PRKCA: variants seen among roughly 807,000 people sequenced by gnomAD.
PRKCA encodes the protein protein kinase C alpha type.
Under a neutral mutation model 87.0 loss-of-function variants are expected in PRKCA, and 27 were observed. The ratio of observed to expected loss-of-function variants is 0.31; its 90% confidence interval spans 0.23 to 0.43. The LOEUF is 0.43. Among genes scored for constraint, PRKCA ranks in the 20% least tolerant of loss-of-function variants. PRKCA has a pLI of 1.00. For missense variants in PRKCA, 518 were observed against 852.3 expected (o/e 0.61, Z 4.88); for synonymous variants, 329 against 311.1 (o/e 1.06, Z -0.61).
At position 66,392,232 on chromosome 17, in the gene PRKCA, C is replaced by CAA. The variant is rs746861945; in HGVS notation, c.205+86106_205+86107dup. 5.8e-4 allele frequency among the ~76,000 whole-genome samples: 31 copies of CAA among 53,290 alleles called. 4 individuals are homozygous for CAA. Among genetic ancestry groups the CAA allele is most frequent in the Middle Eastern group, 0.011 (1 of 92 alleles). The allele number at this position is 53,290 out of a possible 152,430, so 35.0% of individuals were successfully genotyped here. ...GCGACAGAGCAAGACTGTGTCTCAACAACAACAAAAAAAAAAATGTGGTTA... is the reference window on the plus strand; with the variant it reads ...GCGACAGAGCAAGACTGTGTCTCAACAAAACAACAAAAAAAAAAATGTGGTTA... On this transcript the variant is annotated intron_variant, in intron 2 of 16. Coordinates refer to ENST00000413366, the MANE Select transcript of PRKCA (RefSeq NM_002737.3).
rs1372666320 is a variant in PRKCA at position 66,786,858 on chromosome 17, C to T, written c.1606-9C>T. ...AATACTTTCCCATCTTTCTTTTTTT[C>T]CGGAACAGCCTCCATTTGATGGTGA... On this transcript the variant is annotated splice_polypyrimidine_tract_variant and intron_variant, in intron 14 of 16. Coordinates refer to ENST00000413366, the MANE Select transcript of PRKCA (RefSeq NM_002737.3). The T allele has an allele frequency of 1.2e-6, 2 of 1,608,746 alleles. No individual in the cohort carries two copies. Among genetic ancestry groups the T allele is most frequent in the African/African-American group, 2.7e-5 (2 of 74,678 alleles).
chr17:66,338,378 C>T (rs1000672266), intron 2 of PRKCA, among the ~76,000 whole-genome samples: 5 of 152,108 alleles, frequency 3.3e-5, no homozygotes, highest in African/African-American at 1.2e-4. Context: ...CTGAACCATT[C>T]TCTGAATATT....
At chr17:66,565,231 C>G (rs1245226404) in intron 3 of PRKCA, among the ~76,000 whole-genome samples, 2 of 152,202 alleles carry the variant, frequency 1.3e-5, no homozygotes, top group Non-Finnish European at 2.9e-5. Context: ...GTGATTCCCA[C>G]TCAGCCCGCA....
chr17:66,766,135 A>C (rs909031428), intron 13 of PRKCA, among the ~76,000 whole-genome samples: 2 of 152,236 alleles, frequency 1.3e-5, no homozygotes, highest in African/African-American at 4.8e-5. Context: ...GAGTGCTGTC[A>C]CGAGAAAAAC....
chr17:66,445,649 C>A (rs1913995849), intron 2 of PRKCA, among the ~76,000 whole-genome samples: 1 of 152,166 alleles, frequency 6.6e-6, no homozygotes, highest in South Asian at 2.1e-4. Flanking sequence ...GCCCTTACGG[C>A]CTTGCTGTGT....
chr17:66,303,170 G>A (rs904624785), intron 1 of PRKCA, 146 bp downstream of exon 1: 2 of 1,127,190 alleles, frequency 1.8e-6, no homozygotes, highest in Non-Finnish European at 1.2e-6. Flanking sequence ...GGAGTGACAC[G>A]CGCGCCCGGC....
At chr17:66,745,899 C>G (rs193049861) in intron 13 of PRKCA, among the ~76,000 whole-genome samples, 181 of 152,156 alleles carry the variant, frequency 1.2e-3, no homozygotes, top group South Asian at 4.6e-3. Flanking sequence ...CTAAACTGCT[C>G]GAAACTTGAG....
At chr17:66,517,013 C>A (rs897884202) in intron 3 of PRKCA, among the ~76,000 whole-genome samples, 1 of 151,948 alleles carries the variant, frequency 6.6e-6, no homozygotes, top group Non-Finnish European at 1.5e-5. Context: ...CGGAATTGGC[C>A]GGTGGTTCAC....
intron 2 of PRKCA, among the ~76,000 whole-genome samples, chr17:66,492,107 C>T (rs1916271742): frequency 6.6e-6 from 1 of 152,214 alleles, no homozygotes; most frequent in Non-Finnish European, 1.5e-5. Flanking sequence ...CTCTTTATCC[C>T]TCAGATAACG....
intron 2 of PRKCA, among the ~76,000 whole-genome samples, chr17:66,374,108 A>G (rs544102015): frequency 1.5e-3 from 229 of 152,218 alleles, no homozygotes; most frequent in Non-Finnish European, 2.7e-3. Flanking sequence ...AGGATGGGCC[A>G]GGGAGGGAGG....
chr17:66,341,240 G>C (rs150849599), intron 2 of PRKCA, among the ~76,000 whole-genome samples: 1 of 152,216 alleles, frequency 6.6e-6, no homozygotes, highest in African/African-American at 2.4e-5. Context: ...TTTCTTCACT[G>C]TATGTAGTAC....
At chr17:66,677,435 G>C (rs1386407633) in intron 5 of PRKCA, 1 of 152,188 alleles carries the variant, frequency 6.6e-6, no homozygotes, top group Non-Finnish European at 1.5e-5. Context: ...TTCACATATC[G>C]TCCGTGTCTG....
At chr17:66,643,740 C>A (rs1303669100) in intron 4 of PRKCA, among the ~76,000 whole-genome samples, 1 of 152,146 alleles carries the variant, frequency 6.6e-6, no homozygotes, top group Non-Finnish European at 1.5e-5. Flanking sequence ...GGACTGCAAC[C>A]CCTACTGACC....
At position 66,405,303 on chromosome 17, in the gene PRKCA, A is replaced by G. The variant is rs73333312; in HGVS notation, c.206-90898A>G. 2.7e-3 allele frequency among the ~76,000 whole-genome samples: 418 copies of G among 152,342 alleles called. 4 individuals are homozygous for G. Among genetic ancestry groups the G allele is most frequent in the African/African-American group, 9.5e-3 (394 of 41,574 alleles). ...CCCTGAAGTGCCATTACTTAAACCC[A>G]GAGTTTTCTGCTCACTTCTCATTTT... is the stretch of plus-strand genomic sequence containing the variant. On this transcript the variant is annotated intron_variant, in intron 2 of 16. Transcript: ENST00000413366.
At position 66,732,759 on chromosome 17, in the gene PRKCA, C is replaced by T. The variant is rs993785270; in HGVS notation, c.990C>T (p.Asn330=). ...PSEDRKQPSN[N]LDRVKLTDFN... Reference sequence around the variant, plus strand: ...AAGACAGGAAACAACCTTCCAACAACCTTGACCGAGTGAAACTCACGGACT... The same window carrying T: ...AAGACAGGAAACAACCTTCCAACAATCTTGACCGAGTGAAACTCACGGACT... The change falls in exon 9 of 17, where the codon AAC becomes AAT. Residue 330 remains asparagine, a synonymous_variant. Transcript: ENST00000413366. 1.9e-6 allele frequency: 3 copies of T among 1,614,176 alleles called. No individual in the cohort carries two copies. Among genetic ancestry groups the T allele is most frequent in the South Asian group, 1.1e-5 (1 of 91,066 alleles).
chr17:66,632,086 G>A (rs1273936173), intron 3 of PRKCA, among the ~76,000 whole-genome samples: 1 of 152,132 alleles, frequency 6.6e-6, no homozygotes, highest in Non-Finnish European at 1.5e-5. Context: ...GTGAGATGAG[G>A]TGGTTGCGCC....
At chr17:66,748,518 G>A (rs1292422139) in intron 13 of PRKCA, among the ~76,000 whole-genome samples, 2 of 152,172 alleles carry the variant, frequency 1.3e-5, no homozygotes, top group African/African-American at 2.4e-5. Flanking sequence ...ACCCCAAGGA[G>A]GGCAAATGTT....
chr17:66,416,157 C>G (rs1275390010), intron 2 of PRKCA: 1 of 152,228 alleles, frequency 6.6e-6, no homozygotes. Context: ...AGAGCCTGCA[C>G]TGTTGTCACC....
At chr17:66,796,539 A>G in intron 16 of PRKCA, 1 of 985,306 alleles carries the variant, frequency 1.0e-6, no homozygotes, top group Non-Finnish European at 1.2e-6. Flanking sequence ...TGAGCAAACT[A>G]ACCCCACTTT....
Sources: gnomAD v4.1 joint callset for allele counts (sites outside exome capture counted in the v4.1 genomes callset) on GRCh38, gnomAD v4.1.1 for gene constraint, MANE v1.5 for transcripts, NCBI Gene and HGNC (gene_info 2026-07-23, HGNC 2026-07-21) for gene names.